Variants in KCNIP4 observed in about 807,000 individuals in gnomAD.
The protein encoded by KCNIP4 is Kv channel-interacting protein 4.
In KCNIP4, 12 loss-of-function variants were observed where a neutral mutation model predicts 34.0. The observed-to-expected ratio is 0.35, with a 90% CI of 0.23 to 0.57. The LOEUF (loss-of-function observed/expected upper bound fraction) is 0.57. Ranked by LOEUF, KCNIP4 falls within the 20% of genes least tolerant of loss-of-function variation. The pLI is 0.83. For synonymous variants in KCNIP4, 124 were observed against 102.2 expected (o/e 1.21, Z -1.29); for missense variants, 238 against 311.7 (o/e 0.76, Z 1.78).
chr4:21,249,241 C>T (rs1760512326), intron 1 of KCNIP4, among the ~76,000 whole-genome samples: 1 of 151,942 alleles, frequency 6.6e-6, no homozygotes, highest in Non-Finnish European at 1.5e-5. Context: ...TACATACATA[C>T]ATATAACCAT....
At chr4:21,609,074 G>A (rs988259167) in intron 1 of KCNIP4, 2 of 152,044 alleles carry the variant, frequency 1.3e-5, no homozygotes, top group South Asian at 2.1e-4. Flanking sequence ...GACTTTCCTG[G>A]GAGAATTTAG....
chr4:21,796,714 T>C (rs531500052), intron 1 of KCNIP4, among the ~76,000 whole-genome samples: 31 of 152,330 alleles, frequency 2.0e-4, no homozygotes, highest in South Asian at 2.1e-4. Context: ...ATAGATATTA[T>C]GGATTGGAAA....
intron 1 of KCNIP4, among the ~76,000 whole-genome samples, chr4:21,824,362 G>A (rs1235457693): frequency 6.6e-6 from 1 of 152,096 alleles, no homozygotes; most frequent in Admixed American, 6.6e-5. Context: ...GCCAGAGGCC[G>A]CAAGATTCTG....
At chr4:21,617,813 G>C (rs1366924536) in intron 1 of KCNIP4, among the ~76,000 whole-genome samples, 4 of 151,838 alleles carry the variant, frequency 2.6e-5, no homozygotes, top group Non-Finnish European at 5.9e-5. Context: ...GCAAGAAGAG[G>C]AGATCTCGCT....
chr4:21,043,117 G>A (rs563529869), intron 1 of KCNIP4, among the ~76,000 whole-genome samples: 5 of 152,238 alleles, frequency 3.3e-5, no homozygotes, highest in East Asian at 1.9e-4. Context: ...AAACAGTTAC[G>A]GGAGGTGTTT....
rs147772689 is a variant in KCNIP4 at position 21,753,214 on chromosome 4, A to T, written c.61+195357T>A. Reference sequence around the variant, plus strand: ...CATGCATAATCTGCAAAGGTTTTTCACACTATCTGAGGTCTTAGAGAAAAA... The same window carrying T: ...CATGCATAATCTGCAAAGGTTTTTCTCACTATCTGAGGTCTTAGAGAAAAA... On this transcript the variant is annotated intron_variant, in intron 1 of 8. Coordinates refer to ENST00000382152, the MANE Select transcript of KCNIP4 (RefSeq NM_025221.6). Among the ~76,000 whole-genome samples the T allele has an allele frequency of 8.8e-3, 1,333 of 152,272 alleles. 19 individuals are homozygous for T. The highest frequency in any genetic ancestry group is 0.039 in the South Asian group (187 of 4,828).
intron 1 of KCNIP4, among the ~76,000 whole-genome samples, chr4:21,409,658 G>C (rs562216434): frequency 6.6e-6 from 1 of 152,208 alleles, no homozygotes; most frequent in East Asian, 1.9e-4. Context: ...TCATTCTGTC[G>C]TGCAACAAAT....
chr4:21,010,943 C>T (rs894664880), intron 1 of KCNIP4, among the ~76,000 whole-genome samples: 3 of 152,130 alleles, frequency 2.0e-5, no homozygotes, highest in African/African-American at 7.2e-5. Context: ...AGTGAATTTG[C>T]GTTGGATCAC....
intron 1 of KCNIP4, among the ~76,000 whole-genome samples, chr4:20,895,679 G>C (rs532545247): frequency 8.9e-4 from 135 of 152,292 alleles, no homozygotes; most frequent in African/African-American, 3.2e-3. Flanking sequence ...ATATAAGGTA[G>C]ACCCTGTGCC....
At chr4:20,810,318 A>G (rs1490375135) in intron 3 of KCNIP4, among the ~76,000 whole-genome samples, 1 of 151,930 alleles carries the variant, frequency 6.6e-6, no homozygotes, top group Non-Finnish European at 1.5e-5. Flanking sequence ...TTTCATTTCT[A>G]TTTTCATTTT....
At chr4:21,934,238 C>A (rs141451794) in intron 1 of KCNIP4, among the ~76,000 whole-genome samples, 2,024 of 152,122 alleles carry the variant, frequency 0.013, 18 homozygotes, top group Non-Finnish European at 0.018. Flanking sequence ...CTATGTACTG[C>A]ACTTCCAACG....
At chr4:21,319,529 T>C (rs1181045791) in intron 1 of KCNIP4, among the ~76,000 whole-genome samples, 2 of 152,206 alleles carry the variant, frequency 1.3e-5, no homozygotes, top group African/African-American at 2.4e-5. Flanking sequence ...TCCTGGACAT[T>C]CCACTGTTAT....
chr4:20,911,986 C>A (rs1728371517), intron 1 of KCNIP4, among the ~76,000 whole-genome samples: 1 of 152,138 alleles, frequency 6.6e-6, no homozygotes, highest in Admixed American at 6.5e-5. Context: ...ATCAATGCTT[C>A]CTCAGTACAA....
intron 1 of KCNIP4, among the ~76,000 whole-genome samples, chr4:21,475,144 AG>A (rs1384799731): frequency 1.3e-5 from 2 of 152,098 alleles, no homozygotes; most frequent in African/African-American, 4.8e-5. Flanking sequence ...TTTTATTAGG[AG>A]TTTAACAGGC....
intron 1 of KCNIP4, among the ~76,000 whole-genome samples, chr4:21,626,362 A>C (rs891793265): frequency 2.6e-5 from 4 of 151,150 alleles, no homozygotes; most frequent in Non-Finnish European, 4.4e-5. Context: ...CCCTTAAAAA[A>C]CAGATACCAG....
rs1000061571 is a variant in KCNIP4 at position 20,772,133 on chromosome 4, G to A, written c.289-13243C>T. Reference sequence around the variant, plus strand: ...AGGGAGGTTTAAAGAACTTTCCCAAGGTCAGTGGGACTGGGATTTGAACTT... The same window carrying A: ...AGGGAGGTTTAAAGAACTTTCCCAAAGTCAGTGGGACTGGGATTTGAACTT... On this transcript the variant is annotated intron_variant, in intron 3 of 8. Transcript: ENST00000382152. Among the ~76,000 whole-genome samples, 3 of 152,128 alleles carry A rather than the reference G, an allele frequency of 2.0e-5. No homozygotes were observed. In the South Asian group the frequency reaches 6.2e-4, roughly 32 times the overall value.
At chr4:21,569,482 T>C in intron 1 of KCNIP4, among the ~76,000 whole-genome samples, 1 of 151,934 alleles carries the variant, frequency 6.6e-6, no homozygotes, top group East Asian at 1.9e-4. Flanking sequence ...ATTCTTGGGA[T>C]ACATTTTAGA....
chr4:21,292,458 T>C (rs570563007), intron 1 of KCNIP4, among the ~76,000 whole-genome samples: 6 of 152,278 alleles, frequency 3.9e-5, no homozygotes, highest in African/African-American at 1.2e-4. Context: ...TTTGAACACG[T>C]CTGTAAGAAT....
At chr4:21,310,040 G>T (rs961052827) in intron 1 of KCNIP4, among the ~76,000 whole-genome samples, 12 of 151,940 alleles carry the variant, frequency 7.9e-5, no homozygotes, top group African/African-American at 1.2e-4. Context: ...ATATTTTTTG[G>T]TTTTTTTGAG....
Sources: allele counts gnomAD v4.1 joint callset (sites outside exome capture counted in the v4.1 genomes callset), GRCh38; gene constraint gnomAD v4.1.1; transcripts MANE v1.5; gene names NCBI Gene and HGNC (gene_info 2026-07-23, HGNC 2026-07-21).